Variants in USP7 observed in about 807,000 individuals in gnomAD.
The protein encoded by USP7 is ubiquitin C-terminal hydrolase 7.
A neutral mutation model predicts 162.9 loss-of-function variants in USP7; 9 were observed. That is an observed-to-expected ratio of 0.06 (90% CI 0.03 to 0.10). The LOEUF (loss-of-function observed/expected upper bound fraction) is 0.10, where lower values mean the gene tolerates loss of function less well. USP7 is among the 10% of genes least tolerant of loss of function. The probability of loss-of-function intolerance (pLI) is 1.00; values close to 1 mark genes in which losing one functional copy is unlikely to be tolerated. For synonymous variants in USP7, 562 were observed against 475.9 expected (o/e 1.18, Z -2.35); for missense variants, 715 against 1,373.7 (o/e 0.52, Z 7.58).
Position 8,904,668 on chromosome 16 carries a change from C to T in USP7, c.1574-103G>A, listed in dbSNP as rs567687326. 2.0e-5 allele frequency: 30 copies of T among 1,509,912 alleles called. No individual in the cohort carries two copies. In the East Asian group the frequency reaches 3.9e-4, roughly 20 times the overall value. 93.5% of individuals were successfully genotyped at this position (1,509,912 alleles called of 1,614,324 possible). Reference sequence around the variant, plus strand: ...TTAATAAAATAATCTATTAGGCCGGCGTGGTGGCTTACGCCTGTAATCCCA... The same window carrying T: ...TTAATAAAATAATCTATTAGGCCGGTGTGGTGGCTTACGCCTGTAATCCCA... On this transcript the variant is annotated intron_variant, in intron 14 of 30. Coordinates refer to ENST00000344836, the MANE Select transcript of USP7 (RefSeq NM_003470.3).
chr16:8,958,704 T>C (rs775306808), intron 1 of USP7, among the ~76,000 whole-genome samples: 17 of 152,170 alleles, frequency 1.1e-4, no homozygotes, highest in Admixed American at 2.0e-4. Flanking sequence ...CCCACACTCA[T>C]CGCAGGGAGC....
rs746412580 is a variant in USP7, at chr16:8,904,489, G to A, written c.1650C>T (p.Ile550=). 27 of 1,614,002 alleles carry A rather than the reference G, an allele frequency of 1.7e-5. No homozygotes were observed. The highest frequency in any genetic ancestry group is 1.7e-4 in the Admixed American group (10 of 60,000). The change falls in exon 15 of 31, where the codon ATC becomes ATT. Residue 550 remains isoleucine, a synonymous_variant. Transcript: ENST00000344836. ...LVERLQEEKR[I]EAQKRKERQE... ...GCCGCTCCTTCCGCTTCTGAGCCTCGATCCTTTTCTCTTCTTGTAATCGCT... is the reference window on the plus strand; with the variant it reads ...GCCGCTCCTTCCGCTTCTGAGCCTCAATCCTTTTCTCTTCTTGTAATCGCT...
chr16:8,960,499 A>G (rs1899967861), intron 1 of USP7, among the ~76,000 whole-genome samples: 1 of 152,186 alleles, frequency 6.6e-6, no homozygotes, highest in Admixed American at 6.5e-5. Flanking sequence ...AAAACAAACG[A>G]AACAGTCTCC....
At chr16:8,920,931 T>C (rs527912091) in intron 4 of USP7, among the ~76,000 whole-genome samples, 16 of 152,338 alleles carry the variant, frequency 1.1e-4, no homozygotes, top group Admixed American at 3.3e-4. Context: ...TTTAGCCCAC[T>C]GGGAACTCCC....
At chr16:8,907,363 G>A (rs1312666991) in intron 12 of USP7, among the ~76,000 whole-genome samples, 2 of 152,224 alleles carry the variant, frequency 1.3e-5, no homozygotes, top group African/African-American at 4.8e-5. Flanking sequence ...GGTAAAGACT[G>A]TGAATGGGTG....
At chr16:8,894,193 T>C in intron 30 of USP7, 89 bp from the exon 31 acceptor site, 1 of 1,245,556 alleles carries the variant, frequency 8.0e-7, no homozygotes, top group South Asian at 1.2e-5. Context: ...TGCATCCCTG[T>C]GGCTCCCCAA....
intron 10 of USP7, among the ~76,000 whole-genome samples, chr16:8,914,811 G>T (rs1163178666): frequency 6.6e-6 from 1 of 152,144 alleles, no homozygotes; most frequent in Non-Finnish European, 1.5e-5. Flanking sequence ...CCCAGCCACT[G>T]GGGAAGCTGA....
At chr16:8,946,073 GTC>G (rs1899260085) in intron 1 of USP7, among the ~76,000 whole-genome samples, 1 of 152,058 alleles carries the variant, frequency 6.6e-6, no homozygotes, top group South Asian at 2.1e-4. Flanking sequence ...GACAAAGACA[GTC>G]TCTAACAAAA....
In USP7 at chr16:8,910,887, C is replaced by A. The variant is rs538865275; in HGVS notation, c.1079-60G>T. ...AGCTTCATTTATAATGTAGCCAACA[C>A]AGGTGTAAGTTATTTAAATCAGCAT... On this transcript the variant is annotated intron_variant, in intron 10 of 30. Coordinates refer to ENST00000344836, the MANE Select transcript of USP7 (RefSeq NM_003470.3). The A allele has an allele frequency of 8.9e-5, 122 of 1,364,460 alleles. 2 individuals are homozygous for A. In the South Asian group the frequency reaches 1.4e-3, roughly 15 times the overall value. The allele number at this position is 1,364,460 out of a possible 1,614,324, so 84.5% of individuals were successfully genotyped here.
chr16:8,936,023 T>C (rs1159022657), intron 1 of USP7, among the ~76,000 whole-genome samples: 2 of 152,126 alleles, frequency 1.3e-5, no homozygotes, highest in African/African-American at 4.8e-5. Flanking sequence ...TTCACGAAGA[T>C]TTATCAATCC....
At position 8,899,160 on chromosome 16, in the gene USP7, T is replaced by C; in HGVS notation, c.2492A>G (p.Asn831Ser). ...QVAKTVAQRL[N>S]TDPMLLQFFK... ...AAACTGCAGCAACATTGGATCTGTG[T>C]TGAGCCTCTGTGCAACTGTCTTTGC... The change falls in exon 23 of 31, where the codon AAC becomes AGC. Residue 831 changes from asparagine (N) to serine (S), a missense_variant. By Grantham distance (46) the Asn-to-Ser change is conservative. Around this residue, in one of 11 missense-constraint regions of USP7, gnomAD observed 222 missense variants for 441.7 expected, o/e 0.50. Coordinates refer to ENST00000344836, the MANE Select transcript of USP7 (RefSeq NM_003470.3). 1 of 1,614,220 alleles carries C rather than the reference T, an allele frequency of 6.2e-7. No individual in the cohort carries two copies. Among genetic ancestry groups the C allele is most frequent in the Non-Finnish European group, 8.5e-7 (1 of 1,180,042 alleles).
At chr16:8,899,504 G>A (rs2061741610) in intron 22 of USP7, 100 bp downstream of exon 22, 1 of 1,488,032 alleles carries the variant, frequency 6.7e-7, no homozygotes, top group African/African-American at 1.4e-5. Context: ...AGCCCCTTCT[G>A]AACCAAAACC....
At chr16:8,915,030 G>C (rs1273645449) in intron 10 of USP7, among the ~76,000 whole-genome samples, 1 of 152,212 alleles carries the variant, frequency 6.6e-6, no homozygotes, top group East Asian at 1.9e-4. Context: ...GGTTTCCTGT[G>C]AGGAGAGGGG....
At chr16:8,936,601 G>A (rs1279422073) in intron 1 of USP7, 8 of 1,555,720 alleles carry the variant, frequency 5.1e-6, no homozygotes, top group Non-Finnish European at 6.9e-6. Context: ...CCAAGCCTGT[G>A]GTTCCCAGCC....
chr16:8,946,452 G>A (rs1040961733), intron 1 of USP7, among the ~76,000 whole-genome samples: 3 of 152,128 alleles, frequency 2.0e-5, no homozygotes, highest in African/African-American at 7.2e-5. Flanking sequence ...CTTTGCTCCA[G>A]AAAGACTTAT....
intron 1 of USP7, among the ~76,000 whole-genome samples, chr16:8,959,243 C>T (rs1785060014): frequency 6.6e-6 from 1 of 152,084 alleles, no homozygotes; most frequent in South Asian, 2.1e-4. Flanking sequence ...GATGGCAAAA[C>T]CCAGATTCAA....
chr16:8,893,744 T>C lies in USP7; in HGVS notation c.*254A>G, dbSNP rs981554420. On this transcript the variant is annotated 3_prime_UTR_variant, in exon 31 of 31. Coordinates refer to ENST00000344836, the MANE Select transcript of USP7 (RefSeq NM_003470.3). ...CTCTTCTCCCCCATTGCGCTGACAG[T>C]TGCCTTGCACTGTGGTTACCATAAA... 1 of 424,000 alleles carries C rather than the reference T, an allele frequency of 2.4e-6. No individual in the cohort carries two copies. The highest frequency in any genetic ancestry group is 2.0e-5 in the African/African-American group (1 of 49,646). The allele number at this position is 424,000 out of a possible 1,614,324, so 26.3% of individuals were successfully genotyped here. A position where few individuals can be genotyped will look rare whatever the true frequency, so the allele number is the denominator to read the frequency against.
intron 5 of USP7, among the ~76,000 whole-genome samples, chr16:8,919,617 G>C (rs999863175): frequency 6.6e-6 from 1 of 151,724 alleles, no homozygotes; most frequent in Admixed American, 6.6e-5. Context: ...TTTATTTTGT[G>C]ATTTTGGTGG....
intron 24 of USP7, 37 bp downstream of exon 24, chr16:8,898,494 C>T: frequency 3.1e-6 from 5 of 1,605,552 alleles, no homozygotes; most frequent in Non-Finnish European, 4.3e-6. Context: ...CGAGCCTTCT[C>T]TTTATGACCC....
Sources: allele counts gnomAD v4.1 joint callset (sites outside exome capture counted in the v4.1 genomes callset), GRCh38; gene constraint gnomAD v4.1.1; regional missense constraint gnomAD v4.1.1; transcripts MANE v1.5; gene names NCBI Gene and HGNC (gene_info 2026-07-23, HGNC 2026-07-21).